Variants in TNFRSF19 observed in about 807,000 individuals in gnomAD.
The protein encoded by TNFRSF19 is TNF receptor superfamily member 19, also known as tumor necrosis factor receptor superfamily member 19.
In TNFRSF19, 27 loss-of-function variants were observed where a neutral mutation model predicts 46.4. The observed-to-expected ratio is 0.58, with a 90% CI of 0.43 to 0.80. The LOEUF (loss-of-function observed/expected upper bound fraction) is 0.80, where lower values mean the gene tolerates loss of function less well. TNFRSF19 is among the 30% of genes least tolerant of loss of function. The pLI is 0.00. For missense variants in TNFRSF19, 511 were observed against 530.8 expected (o/e 0.96, Z 0.37); for synonymous variants, 204 against 205.0 (o/e 1.00, Z 0.04).
At chr13:23,612,602 AC>A (rs1880980244) in intron 3 of TNFRSF19, among the ~76,000 whole-genome samples, 1 of 152,192 alleles carries the variant, frequency 6.6e-6, no homozygotes, top group Non-Finnish European at 1.5e-5. Context: ...ACTTTTATGA[AC>A]TGCAGGCTAT....
At position 23,659,081 on chromosome 13, in the gene TNFRSF19, G is replaced by A. The variant is rs765919820; in HGVS notation, c.477G>A (p.Ala159=). The A allele has an allele frequency of 4.2e-5, 67 of 1,613,838 alleles. No individual in the cohort carries two copies. The highest frequency in any genetic ancestry group is 1.7e-4 in the Middle Eastern group (1 of 6,044). The change falls in exon 6 of 10, where the codon GCG becomes GCA. Residue 159 remains alanine (A), a synonymous_variant. Coordinates refer to ENST00000248484, the MANE Select transcript of TNFRSF19 (RefSeq NM_148957.4). This position sits in a 1 kb window ranked among gnomAD's most constrained non-coding sequence, Gnocchi z 4.9. ...GCAAGGTCAACCTCGTGAAGATCGC[G>A]TCCACGGCCTCCAGCCCACGGGACA... is the stretch of plus-strand genomic sequence containing the variant. The part of the protein sequence containing the change: ...CASKVNLVKI[A]STASSPRDTA...
intron 5 of TNFRSF19, among the ~76,000 whole-genome samples, chr13:23,639,612 GC>G (rs1202757100): frequency 6.6e-6 from 1 of 152,178 alleles, no homozygotes; most frequent in African/African-American, 2.4e-5. Flanking sequence ...TGGAGTTCAT[GC>G]TTGGTGCTTC....
intron 3 of TNFRSF19, among the ~76,000 whole-genome samples, chr13:23,602,789 A>C (rs1364655705): frequency 1.3e-5 from 2 of 152,134 alleles, no homozygotes; most frequent in Non-Finnish European, 2.9e-5. Flanking sequence ...ATTGCAAGAT[A>C]AATTTAAAAA....
chr13:23,607,999 A>G (rs904341396), intron 3 of TNFRSF19, among the ~76,000 whole-genome samples: 1 of 152,142 alleles, frequency 6.6e-6, no homozygotes, highest in African/African-American at 2.4e-5. Context: ...TTAGGTTTCT[A>G]CCATAAAAAT....
At chr13:23,644,964 C>T (rs1381365647) in intron 5 of TNFRSF19, among the ~76,000 whole-genome samples, 1 of 152,192 alleles carries the variant, frequency 6.6e-6, no homozygotes, top group Non-Finnish European at 1.5e-5. Flanking sequence ...TCTAAACAAC[C>T]CACTTCAGTA....
At chr13:23,587,418 C>G (rs1242326810) in intron 1 of TNFRSF19, among the ~76,000 whole-genome samples, 1 of 152,212 alleles carries the variant, frequency 6.6e-6, no homozygotes, top group African/African-American at 2.4e-5. Flanking sequence ...TTTTGGAGAT[C>G]ACTACCTTGG....
rs33960618 is a variant in TNFRSF19, at chr13:23,630,302, TAA to T, written c.445+3531_445+3532del. 2.8e-3 allele frequency among the ~76,000 whole-genome samples: 251 copies of T among 89,700 alleles called. 1 individual carries two copies. Among genetic ancestry groups the T allele is most frequent in the African/African-American group, 0.01 (223 of 22,098 alleles). The allele number at this position is 89,700 out of a possible 152,430, so 58.8% of individuals were successfully genotyped here. A position where few individuals can be genotyped will look rare whatever the true frequency, so the allele number is the denominator to read the frequency against. Reference sequence around the variant, plus strand: ...TGAACAACAGAGTAAGACCCTGTCTTAAAAAAAAAAAAAAAAAAAAAAGGGTA... The same window carrying T: ...TGAACAACAGAGTAAGACCCTGTCTTAAAAAAAAAAAAAAAAAAAAGGGTA... On this transcript the variant is annotated intron_variant, in intron 5 of 9. Transcript: ENST00000248484.
intron 3 of TNFRSF19, among the ~76,000 whole-genome samples, chr13:23,597,960 T>C (rs749084465): frequency 5.9e-5 from 9 of 152,256 alleles, no homozygotes; most frequent in Non-Finnish European, 1.0e-4. Context: ...AAACAATAAA[T>C]GTAATCCATC....
At chr13:23,658,063 C>T (rs770752023) in intron 5 of TNFRSF19, among the ~76,000 whole-genome samples, 1 of 150,802 alleles carries the variant, frequency 6.6e-6, no homozygotes, top group Non-Finnish European at 1.5e-5. Flanking sequence ...AGATTCATGC[C>T]CCTTTTAAAT....
intron 4 of TNFRSF19, among the ~76,000 whole-genome samples, chr13:23,621,423 C>T (rs1012184157): frequency 2.0e-5 from 3 of 152,196 alleles, no homozygotes; most frequent in Non-Finnish European, 4.4e-5. Context: ...GACAGAGCAA[C>T]GCTGTCATCC....
chr13:23,593,692 A>G (rs1879487024), intron 3 of TNFRSF19, among the ~76,000 whole-genome samples: 1 of 152,204 alleles, frequency 6.6e-6, no homozygotes, highest in Non-Finnish European at 1.5e-5. Context: ...TGTTTTATAT[A>G]ATTTAAAATT....
intron 1 of TNFRSF19, among the ~76,000 whole-genome samples, chr13:23,586,065 T>G (rs1434028256): frequency 6.6e-6 from 1 of 151,594 alleles, no homozygotes; most frequent in Non-Finnish European, 1.5e-5. Context: ...GGTCAGGAGA[T>G]CGAGACCACG....
Position 23,669,533 on chromosome 13 carries a change from G to T in TNFRSF19, c.1245+436G>T, listed in dbSNP as rs999907425. The stretch of plus-strand genomic sequence containing the variant: ...TTTATGTGAATTTTGGTCTCCTAAA[G>T]CTGCTCTTTTCCCTCCTCTCTCCTT... On this transcript the variant is annotated intron_variant, in intron 9 of 9. Transcript: ENST00000248484. The T allele has an allele frequency of 6.1e-6, 6 of 985,140 alleles. No homozygotes were observed. In the East Asian group the frequency reaches 3.4e-4, roughly 56 times the overall value. The allele number at this position is 985,140 out of a possible 1,614,324, so 61.0% of individuals were successfully genotyped here. A position where few individuals can be genotyped will look rare whatever the true frequency, so the allele number is the denominator to read the frequency against.
At chr13:23,638,337 C>T (rs1235216324) in intron 5 of TNFRSF19, among the ~76,000 whole-genome samples, 1 of 152,160 alleles carries the variant, frequency 6.6e-6, no homozygotes, top group Non-Finnish European at 1.5e-5. Flanking sequence ...AACAGCTGTA[C>T]TTACAATCCG....
chr13:23,627,615 C>T (rs774450568), intron 5 of TNFRSF19, among the ~76,000 whole-genome samples: 40 of 152,188 alleles, frequency 2.6e-4, no homozygotes, highest in East Asian at 1.9e-4. Context: ...CCGCACTTCA[C>T]GGCTCAGGGG....
intron 1 of TNFRSF19, among the ~76,000 whole-genome samples, chr13:23,573,036 A>C (rs1484613887): frequency 6.6e-6 from 1 of 152,200 alleles, no homozygotes; most frequent in East Asian, 1.9e-4. Context: ...TTTATGAAAT[A>C]AGCAGAATTG....
At chr13:23,603,176 G>A (rs1880282600) in intron 3 of TNFRSF19, among the ~76,000 whole-genome samples, 1 of 151,962 alleles carries the variant, frequency 6.6e-6, no homozygotes, top group Non-Finnish European at 1.5e-5. Context: ...ATCACTATAG[G>A]AACATTAGAA....
At chr13:23,636,279 T>C (rs967724834) in intron 5 of TNFRSF19, among the ~76,000 whole-genome samples, 5 of 152,138 alleles carry the variant, frequency 3.3e-5, no homozygotes, top group African/African-American at 9.7e-5. Flanking sequence ...TTGCCAGGGG[T>C]CGTAGGAGGC....
chr13:23,586,883 G>A (rs1221111508), intron 1 of TNFRSF19, among the ~76,000 whole-genome samples: 2 of 152,098 alleles, frequency 1.3e-5, no homozygotes, highest in African/African-American at 4.8e-5. Flanking sequence ...TTTCATGCTT[G>A]TGGAATACGG....
Sources: allele counts gnomAD v4.1 joint callset (sites outside exome capture counted in the v4.1 genomes callset), GRCh38; gene constraint gnomAD v4.1.1; non-coding constraint Gnocchi (gnomAD v3.1); transcripts MANE v1.5; gene names NCBI Gene and HGNC (gene_info 2026-07-23, HGNC 2026-07-21).